Variants in SLC24A2 observed in about 807,000 individuals in gnomAD.
SLC24A2 encodes sodium/potassium/calcium exchanger 2.
In SLC24A2, 36 loss-of-function variants were observed where a neutral mutation model predicts 62.0. The observed-to-expected ratio is 0.58, with a 90% CI of 0.44 to 0.77. SLC24A2 has a LOEUF of 0.77. Among genes scored for constraint, SLC24A2 ranks in the 30% least tolerant of loss-of-function variants. The probability of loss-of-function intolerance (pLI) is 0.00; values close to 1 mark genes in which losing one functional copy is unlikely to be tolerated. For missense variants in SLC24A2, 846 were observed against 817.9 expected, an observed-to-expected ratio of 1.03 and a Z score of -0.42; for synonymous variants, 358 against 294.0, an observed-to-expected ratio of 1.22 and a Z score of -2.23.
At chr9:19,548,078 A>T (rs532563343) in intron 8 of SLC24A2, among the ~76,000 whole-genome samples, 1 of 151,604 alleles carries the variant, frequency 6.6e-6, no homozygotes. Flanking sequence ...GAGTCCATAC[A>T]AGGAGTCCTT....
chr9:19,691,736 T>A (rs914183902), intron 2 of SLC24A2, among the ~76,000 whole-genome samples: 2 of 152,184 alleles, frequency 1.3e-5, no homozygotes, highest in Non-Finnish European at 2.9e-5. Context: ...CCACCTAAAA[T>A]CTTTTCAAAT....
At chr9:20,042,407 G>C in the SLC24A2 span, among the ~76,000 whole-genome samples, 2 of 152,184 alleles carry the variant, frequency 1.3e-5, no homozygotes, top group Non-Finnish European at 2.9e-5. Flanking sequence ...TGGAAGAAAT[G>C]TTATAGAGGA....
At chr9:19,865,582 A>G in the SLC24A2 span, among the ~76,000 whole-genome samples, 1 of 152,190 alleles carries the variant, frequency 6.6e-6, no homozygotes, top group Non-Finnish European at 1.5e-5. Flanking sequence ...CAAAGGTGCC[A>G]AGAACATACA....
chr9:20,081,325 G>T, the SLC24A2 span, among the ~76,000 whole-genome samples: 1 of 151,982 alleles, frequency 6.6e-6, no homozygotes, highest in Non-Finnish European at 1.5e-5. Flanking sequence ...CATGTCCTTT[G>T]TAGGGACATG....
intron 8 of SLC24A2, among the ~76,000 whole-genome samples, chr9:19,534,468 A>G (rs1021384445): frequency 8.6e-5 from 13 of 151,902 alleles, no homozygotes; most frequent in African/African-American, 3.1e-4. Flanking sequence ...TCAACCTGTC[A>G]CCTACATTAG....
the SLC24A2 span, among the ~76,000 whole-genome samples, chr9:20,260,026 T>C: frequency 6.6e-6 from 1 of 152,178 alleles, no homozygotes; most frequent in Non-Finnish European, 1.5e-5. Flanking sequence ...GAGGCTGCAG[T>C]GAGCCATGAT....
At chr9:19,844,959 CTT>C in the SLC24A2 span, among the ~76,000 whole-genome samples, 1 of 144,956 alleles carries the variant, frequency 6.9e-6, no homozygotes. Flanking sequence ...ATGCCTCTGG[CTT>C]TTTTTTTTTT....
the SLC24A2 span, among the ~76,000 whole-genome samples, chr9:20,002,033 G>C: frequency 4.9e-4 from 75 of 152,228 alleles, no homozygotes; most frequent in Middle Eastern, 0.024. Context: ...TCAAAAGTTT[G>C]AGGCAGTCCT....
At chr9:20,006,335 G>A in the SLC24A2 span, among the ~76,000 whole-genome samples, 1 of 151,690 alleles carries the variant, frequency 6.6e-6, no homozygotes, top group African/African-American at 2.4e-5. Context: ...AGGGTAGTGG[G>A]TGAGGGGAGG....
At chr9:20,038,306 A>C in the SLC24A2 span, among the ~76,000 whole-genome samples, 1 of 152,326 alleles carries the variant, frequency 6.6e-6, no homozygotes, top group African/African-American at 2.4e-5. Flanking sequence ...ATGAGAGATG[A>C]ATGAGCTAAC....
intron 2 of SLC24A2, among the ~76,000 whole-genome samples, chr9:19,658,864 T>C (rs1819013923): frequency 6.6e-6 from 1 of 152,140 alleles, no homozygotes; most frequent in Admixed American, 6.6e-5. Flanking sequence ...CAGCAGCCCG[T>C]TTCTACAGCC....
chr9:19,571,144 G>C (rs1293925291), intron 7 of SLC24A2, among the ~76,000 whole-genome samples: 1 of 152,150 alleles, frequency 6.6e-6, no homozygotes, highest in African/African-American at 2.4e-5. Context: ...AGGGCAGCCA[G>C]ATGTCCTTGG....
chr9:19,742,212 C>G (rs1049551005), intron 2 of SLC24A2, among the ~76,000 whole-genome samples: 1 of 152,182 alleles, frequency 6.6e-6, no homozygotes, highest in African/African-American at 2.4e-5. Flanking sequence ...GAGAGGAAAG[C>G]TGCATTTTAC....
At chr9:20,059,408 C>T in the SLC24A2 span, among the ~76,000 whole-genome samples, 13 of 152,230 alleles carry the variant, frequency 8.5e-5, no homozygotes, top group Admixed American at 7.9e-4. Context: ...AACCATAAAA[C>T]AAGTCTCCAT....
the SLC24A2 span, among the ~76,000 whole-genome samples, chr9:20,101,176 C>T: frequency 2.6e-5 from 4 of 152,208 alleles, no homozygotes; most frequent in African/African-American, 9.7e-5. Flanking sequence ...CATTTAAGGT[C>T]TCAGTGACTT....
chr9:19,968,937 T>C, the SLC24A2 span, among the ~76,000 whole-genome samples: 1 of 152,150 alleles, frequency 6.6e-6, no homozygotes, highest in East Asian at 1.9e-4. Context: ...AGTAACATCT[T>C]AAAAGATGGC....
chr9:19,822,134 T>C, the SLC24A2 span, among the ~76,000 whole-genome samples: 52 of 152,296 alleles, frequency 3.4e-4, no homozygotes, highest in South Asian at 5.4e-3. Context: ...CATCTATTGA[T>C]TGAAGAATAA....
the SLC24A2 span, among the ~76,000 whole-genome samples, chr9:20,137,115 CCACCCACAAAGAGTAACA>C: frequency 6.6e-6 from 1 of 152,056 alleles, no homozygotes; most frequent in Admixed American, 6.6e-5. Context: ...ATCCCATAAG[CCACCCACAAAGAGTAACA>C]CACATGTTTT....
the SLC24A2 span, among the ~76,000 whole-genome samples, chr9:20,223,513 G>A: frequency 3.2e-3 from 480 of 152,170 alleles, 2 homozygotes; most frequent in Non-Finnish European, 4.0e-3. Flanking sequence ...AAATGTTTGT[G>A]GAAGAAAACT....
Sources: allele counts gnomAD v4.1 joint callset (sites outside exome capture counted in the v4.1 genomes callset), GRCh38; gene constraint gnomAD v4.1.1; transcripts MANE v1.5; gene names NCBI Gene and HGNC (gene_info 2026-07-23, HGNC 2026-07-21).